The following FAM13B variants were observed in gnomAD, a reference collection of about 807,000 sequenced individuals.
The protein encoded by FAM13B is protein FAM13B.
A neutral mutation model predicts 117.3 loss-of-function variants in FAM13B; 60 were observed. The observed-to-expected ratio is 0.51, with a 90% CI of 0.42 to 0.63. The LOEUF (loss-of-function observed/expected upper bound fraction) is 0.63. Among genes scored for constraint, FAM13B ranks in the 30% least tolerant of loss-of-function variants. The pLI is 0.00. For synonymous variants in FAM13B, 332 were observed against 356.1 expected (o/e 0.93, Z 0.76); for missense variants, 972 against 1,091.9 (o/e 0.89, Z 1.55).
upstream of FAM13B, among the ~76,000 whole-genome samples, chr5:138,034,995 C>CCTTTTTTTTT (rs1561555609): frequency 2.9e-5 from 1 of 34,364 alleles, no homozygotes; most frequent in Non-Finnish European, 4.9e-5. Context: ...ATTCCCTTGC[C>CCTTTTTTTTT]TTTTTTTTTT....
In FAM13B at chr5:137,988,331, G is replaced by C; in HGVS notation, c.849-16C>G. 6.4e-7 allele frequency: 1 copy of C among 1,553,280 alleles called. No homozygotes were observed. Among genetic ancestry groups the C allele is most frequent in the Non-Finnish European group, 8.6e-7 (1 of 1,159,210 alleles). ...TATATGGGTGCTGCAATCAAAGAAA[G>C]AAATTAGCTATAAAAATGTTCAATA... is the stretch of plus-strand genomic sequence containing the variant. On this transcript the variant is annotated splice_polypyrimidine_tract_variant and intron_variant, in intron 7 of 23. Transcript: ENST00000689681.
At chr5:137,973,300 T>G (rs947811169) in intron 10 of FAM13B, among the ~76,000 whole-genome samples, 2 of 152,010 alleles carry the variant, frequency 1.3e-5, no homozygotes, top group African/African-American at 4.8e-5. Flanking sequence ...TCAGAAATAA[T>G]GCTGCATATC....
intron 9 of FAM13B, among the ~76,000 whole-genome samples, chr5:137,986,001 T>C (rs534951152): frequency 6.6e-6 from 1 of 152,340 alleles, no homozygotes; most frequent in East Asian, 1.9e-4. Flanking sequence ...TTTCCCACTA[T>C]TTCTAACACT....
upstream of FAM13B, among the ~76,000 whole-genome samples, chr5:138,037,729 A>G (rs535862587): frequency 1.3e-5 from 2 of 152,294 alleles, no homozygotes; most frequent in South Asian, 2.1e-4. Flanking sequence ...GTACTGGGAT[A>G]TAGATTAACT....
chr5:138,040,470 G>A (rs1482947446), intron 1 of FAM13B, among the ~76,000 whole-genome samples: 4 of 151,968 alleles, frequency 2.6e-5, no homozygotes, highest in African/African-American at 9.7e-5. Context: ...TACTCAGGAG[G>A]CTGAGGCAGG....
intron 17 of FAM13B, among the ~76,000 whole-genome samples, chr5:137,951,997 T>A (rs532056936): frequency 6.6e-6 from 1 of 152,092 alleles, no homozygotes; most frequent in South Asian, 2.1e-4. Flanking sequence ...GAAATAAAAA[T>A]AAAAATAAAA....
chr5:138,029,429 A>G (rs1454146598), intron 1 of FAM13B, among the ~76,000 whole-genome samples: 2 of 152,238 alleles, frequency 1.3e-5, no homozygotes, highest in Admixed American at 6.5e-5. Flanking sequence ...GTTGCTGGCC[A>G]AAGATCATTA....
At chr5:137,956,208 G>T (rs1766507041) in intron 14 of FAM13B, among the ~76,000 whole-genome samples, 1 of 152,188 alleles carries the variant, frequency 6.6e-6, no homozygotes, top group Non-Finnish European at 1.5e-5. Flanking sequence ...TACAAAGCGT[G>T]CAATCCCACA....
intron 10 of FAM13B, among the ~76,000 whole-genome samples, chr5:137,984,806 T>C (rs1776748729): frequency 6.6e-6 from 1 of 151,994 alleles, no homozygotes; most frequent in Admixed American, 6.6e-5. Context: ...TCTCACTCTG[T>C]CGCCCAGGCT....
chr5:138,007,729 T>A (rs1782907453), intron 6 of FAM13B, among the ~76,000 whole-genome samples: 1 of 152,220 alleles, frequency 6.6e-6, no homozygotes, highest in South Asian at 2.1e-4. Flanking sequence ...GTTATAATTA[T>A]CTTGCTAGCA....
Position 137,956,519 on chromosome 5 carries a change from G to T in FAM13B, c.1465C>A (p.Leu489Ile). The T allele has an allele frequency of 6.2e-7, 1 of 1,600,020 alleles. No individual in the cohort carries two copies. The highest frequency in any genetic ancestry group is 1.7e-5 in the Admixed American group (1 of 58,368). The change falls in exon 14 of 24, where the codon CTC becomes ATC. Residue 489 changes from leucine to isoleucine, a missense_variant. Transcript: ENST00000689681. ...AGATGCATTGTTTTGAAATCAATGAGGGGAAAAGTGATAGGGCATGACGCT... is the reference window on the plus strand; with the variant it reads ...AGATGCATTGTTTTGAAATCAATGATGGGAAAAGTGATAGGGCATGACGCT... Reference protein sequence around the residue: ...WEASCPITFPLIDFKTMHLQR... With the variant: ...WEASCPITFPIIDFKTMHLQR...
chr5:137,943,477 T>C (rs2150124462), intron 20 of FAM13B, among the ~76,000 whole-genome samples: 1 of 152,368 alleles, frequency 6.6e-6, no homozygotes, highest in Non-Finnish European at 1.5e-5. Context: ...CCAGGCACGG[T>C]GGCTAACGCC....
At chr5:137,941,848 CACAATT>C in intron 23 of FAM13B, 90 bp downstream of exon 23, 1 of 1,044,022 alleles carries the variant, frequency 9.6e-7, no homozygotes, top group Non-Finnish European at 1.4e-6. Context: ...ATCCTATATG[CACAATT>C]TCTAATCCCA....
chr5:138,023,779 T>C (rs2151008293), intron 1 of FAM13B, among the ~76,000 whole-genome samples: 1 of 152,270 alleles, frequency 6.6e-6, no homozygotes, highest in Middle Eastern at 3.4e-3. Flanking sequence ...AGGCTGGTCT[T>C]GAACTCCTGG....
At chr5:137,967,304 T>C (rs905701791) in intron 10 of FAM13B, among the ~76,000 whole-genome samples, 1 of 152,038 alleles carries the variant, frequency 6.6e-6, no homozygotes, top group Admixed American at 6.6e-5. Flanking sequence ...GGTGGGTGGA[T>C]CACAAGGTCA....
chr5:138,033,081 G>A, upstream of FAM13B: 1 of 986,100 alleles, frequency 1.0e-6, no homozygotes, highest in Non-Finnish European at 1.2e-6. Context: ...AGAGCGGCTG[G>A]CGGGCGGAGG....
chr5:138,000,497 G>T (rs1270477903), intron 7 of FAM13B, among the ~76,000 whole-genome samples: 33 of 152,114 alleles, frequency 2.2e-4, no homozygotes, highest in Non-Finnish European at 7.4e-5. Flanking sequence ...TCTTTAGGGT[G>T]CCCAATAATT....
At chr5:137,946,405 C>T (rs767147672) in intron 18 of FAM13B, 94 bp from the exon 19 acceptor site, 4 of 780,124 alleles carry the variant, frequency 5.1e-6, no homozygotes, top group Non-Finnish European at 6.1e-6. Context: ...CTCACTCCCA[C>T]AATGTAAATA....
At chr5:138,023,874 A>C (rs2151009272) in intron 1 of FAM13B, among the ~76,000 whole-genome samples, 1 of 152,254 alleles carries the variant, frequency 6.6e-6, no homozygotes, top group Admixed American at 6.5e-5. Context: ...AGTCTTATAT[A>C]CATTTTAGGT....
Sources: allele counts gnomAD v4.1 joint callset (sites outside exome capture counted in the v4.1 genomes callset), GRCh38; gene constraint gnomAD v4.1.1; transcripts MANE v1.5; gene names NCBI Gene and HGNC (gene_info 2026-07-23, HGNC 2026-07-21).